EML5: variants seen among roughly 807,000 people sequenced by gnomAD.
EML5 encodes the protein EMAP like 5.
EML5 carries 120 observed loss-of-function variants against 250.0 expected under a neutral mutation model. That is an observed-to-expected ratio of 0.48 (90% CI 0.41 to 0.56). EML5 has a LOEUF of 0.56. Ranked by LOEUF, EML5 falls within the 20% of genes least tolerant of loss-of-function variation. EML5 has a pLI of 0.00. For synonymous variants in EML5, 771 were observed against 806.5 expected, an observed-to-expected ratio of 0.96 and a Z score of 0.75; for missense variants, 2,006 against 2,437.6, an observed-to-expected ratio of 0.82 and a Z score of 3.73.
chr14:88,633,379 G>A (rs934250109), intron 33 of EML5, among the ~76,000 whole-genome samples: 4 of 151,600 alleles, frequency 2.6e-5, no homozygotes, highest in African/African-American at 9.7e-5. Context: ...GCCTCCCAGA[G>A]TGCTCGGATT....
At chr14:88,697,004 T>G in intron 14 of EML5, 52 bp from the exon 15 acceptor site, 1 of 1,182,896 alleles carries the variant, frequency 8.5e-7, no homozygotes, top group Non-Finnish European at 1.2e-6. Context: ...TTTATTTCCA[T>G]ATCTACTAAA....
chr14:88,785,542 C>T (rs1006979915), intron 1 of EML5, among the ~76,000 whole-genome samples: 3 of 152,160 alleles, frequency 2.0e-5, no homozygotes, highest in African/African-American at 7.2e-5. Context: ...AAATATAAAA[C>T]TTGCTCTTCC....
At chr14:88,707,870 T>TA (rs2093344693) in intron 10 of EML5, among the ~76,000 whole-genome samples, 1 of 152,220 alleles carries the variant, frequency 6.6e-6, no homozygotes, top group Non-Finnish European at 1.5e-5. Flanking sequence ...TGGCTACTAC[T>TA]ACTACCTTTG....
intron 7 of EML5, among the ~76,000 whole-genome samples, chr14:88,733,357 C>T (rs895795997): frequency 4.6e-5 from 7 of 152,238 alleles, no homozygotes; most frequent in Admixed American, 1.3e-4. Flanking sequence ...TTTTCTTTCA[C>T]AAATTGGCTG....
intron 1 of EML5, among the ~76,000 whole-genome samples, chr14:88,762,545 G>A (rs1207229359): frequency 6.6e-6 from 1 of 151,970 alleles, no homozygotes; most frequent in African/African-American, 2.4e-5. Context: ...AAGAGATTTA[G>A]ACTCCCACAC....
chr14:88,776,236 C>G (rs909670663), intron 1 of EML5, among the ~76,000 whole-genome samples: 3 of 152,230 alleles, frequency 2.0e-5, no homozygotes, highest in African/African-American at 7.2e-5. Context: ...CAACACCATC[C>G]AAGAAAACAT....
At position 88,738,946 on chromosome 14, in the gene EML5, A is replaced by G; in HGVS notation, c.780T>C (p.Arg260=). Residue 260 remains arginine, a synonymous_variant, in exon 6 of 44, where the codon CGT becomes CGC. Coordinates refer to ENST00000554922, the MANE Select transcript of EML5 (RefSeq NM_183387.3). The part of the protein sequence containing the change: ...FATGGRDGCI[R]LWDLTFKPIT... ...TTGGTTTAAAAGTTAAATCCCAAAGACGAATACAACCATCTCTGCCACCAG... is the reference window on the plus strand; with the variant it reads ...TTGGTTTAAAAGTTAAATCCCAAAGGCGAATACAACCATCTCTGCCACCAG... The G allele has an allele frequency of 6.2e-7, 1 of 1,605,882 alleles. No individual in the cohort carries two copies. Among genetic ancestry groups the G allele is most frequent in the Non-Finnish European group, 8.5e-7 (1 of 1,176,190 alleles).
intron 7 of EML5, among the ~76,000 whole-genome samples, chr14:88,731,053 C>T (rs555275539): frequency 1.8e-4 from 28 of 152,080 alleles, no homozygotes; most frequent in African/African-American, 6.5e-4. Flanking sequence ...GTAGTTATAA[C>T]AGCTGCTTTA....
At chr14:88,623,393 T>C (rs1008983518) in intron 36 of EML5, 1 of 152,048 alleles carries the variant, frequency 6.6e-6, no homozygotes, top group Non-Finnish European at 1.5e-5. Context: ...GGCAAAATAA[T>C]AGAATTACAA....
At chr14:88,629,018 A>C (rs189705173) in intron 33 of EML5, among the ~76,000 whole-genome samples, 8 of 152,248 alleles carry the variant, frequency 5.3e-5, no homozygotes, top group Admixed American at 5.2e-4. Context: ...TTCATTCATT[A>C]AAAGTCAAAG....
intron 10 of EML5, among the ~76,000 whole-genome samples, chr14:88,708,669 A>C (rs2093356811): frequency 6.6e-6 from 1 of 152,150 alleles, no homozygotes; most frequent in Non-Finnish European, 1.5e-5. Context: ...CTTAAAGAAT[A>C]TTAGAATTGA....
chr14:88,665,613 G>C (rs923148990), intron 21 of EML5, 124 bp from the exon 22 acceptor site: 1 of 1,302,230 alleles, frequency 7.7e-7, no homozygotes, highest in East Asian at 2.4e-5. Context: ...GACTGCCCGC[G>C]GCCAGGAGGT....
intron 10 of EML5, among the ~76,000 whole-genome samples, chr14:88,709,431 A>T (rs1217338110): frequency 6.6e-6 from 1 of 151,634 alleles, no homozygotes; most frequent in African/African-American, 2.4e-5. Flanking sequence ...AACAGAAAAT[A>T]GGAAAGAGAT....
intron 21 of EML5, among the ~76,000 whole-genome samples, chr14:88,666,374 G>A (rs781142686): frequency 3.3e-5 from 5 of 152,096 alleles, no homozygotes; most frequent in Non-Finnish European, 5.9e-5. Context: ...TTACAGGCAT[G>A]TGCCACCAGG....
chr14:88,616,784 A>G lies in EML5; in HGVS notation c.5738T>C (p.Val1913Ala). Residue 1913 changes from valine (V) to alanine (A), a missense_variant, in exon 42 of 44, where the codon GTT becomes GCT. Physicochemically the swap from Val to Ala is moderately conservative, Grantham distance 64. Coordinates refer to ENST00000554922, the MANE Select transcript of EML5 (RefSeq NM_183387.3). ...AACCATGCCAAAGTCATCTCCTGTAACAAGACTGATTCCTGAATGAGATAC... is the reference window on the plus strand; with the variant it reads ...AACCATGCCAAAGTCATCTCCTGTAGCAAGACTGATTCCTGAATGAGATAC... ...ACVSHSGISLVTGDDFGMVKL... is the reference protein window; with the variant it reads ...ACVSHSGISLATGDDFGMVKL... 6.2e-7 allele frequency: 1 copy of G among 1,614,000 alleles called. No homozygotes were observed.
At chr14:88,788,723 A>G (rs1162941994) in intron 1 of EML5, among the ~76,000 whole-genome samples, 1 of 152,052 alleles carries the variant, frequency 6.6e-6, no homozygotes, top group African/African-American at 2.4e-5. Flanking sequence ...TCTTGCAAAA[A>G]TTTGCTTACG....
Position 88,709,024 on chromosome 14 carries a change from T to A in EML5, c.1658-2598A>T, listed in dbSNP as rs138960773. 5.1e-3 allele frequency among the ~76,000 whole-genome samples: 775 copies of A among 152,228 alleles called. 6 individuals are homozygous for A. Among genetic ancestry groups the A allele is most frequent in the African/African-American group, 0.018 (747 of 41,564 alleles). ...TGTTTCAATGATTCCATTTCTTTTA[T>A]AATGTGTTTTAATGTGTATTTTCAC... On this transcript the variant is annotated intron_variant, in intron 10 of 43. Transcript: ENST00000554922.
chr14:88,773,132 A>T (rs2140635356), intron 1 of EML5, among the ~76,000 whole-genome samples: 1 of 152,314 alleles, frequency 6.6e-6, no homozygotes, highest in African/African-American at 2.4e-5. Context: ...CTTTAAATTC[A>T]GCCAAACCCA....
intron 1 of EML5, among the ~76,000 whole-genome samples, chr14:88,760,561 G>A (rs1030430849): frequency 3.9e-5 from 6 of 152,098 alleles, no homozygotes; most frequent in African/African-American, 1.4e-4. Flanking sequence ...GCCTTCATGA[G>A]TATAGCTTTA....
Sources: gnomAD v4.1 joint callset for allele counts (sites outside exome capture counted in the v4.1 genomes callset) on GRCh38, gnomAD v4.1.1 for gene constraint, MANE v1.5 for transcripts, NCBI Gene and HGNC (gene_info 2026-07-23, HGNC 2026-07-21) for gene names.